The following NTRK2 variants were observed in gnomAD, a reference collection of about 807,000 sequenced individuals.
NTRK2 encodes neurotrophic receptor tyrosine kinase 2.
Under a neutral mutation model 94.5 loss-of-function variants are expected in NTRK2, and 13 were observed. The ratio of observed to expected loss-of-function variants is 0.14; its 90% CI spans 0.09 to 0.22. The LOEUF (loss-of-function observed/expected upper bound fraction) is 0.22, where lower values mean the gene tolerates loss of function less well. Among genes scored for constraint, NTRK2 ranks in the 10% least tolerant of loss-of-function variants. The pLI is 1.00. For synonymous variants in NTRK2, 372 were observed against 407.4 expected (o/e 0.91, Z 1.05); for missense variants, 639 against 1,071.2 (o/e 0.60, Z 5.63).
intron 12 of NTRK2, among the ~76,000 whole-genome samples, chr9:84,816,778 CAAAAAAAA>C (rs61094948): frequency 1.2e-5 from 1 of 82,648 alleles, no homozygotes; most frequent in Admixed American, 1.4e-4. Flanking sequence ...GACTCCATCT[CAAAAAAAA>C]AAAAAAAAAA....
intron 14 of NTRK2, chr9:84,874,913 T>C (rs2132142675): frequency 9.5e-7 from 1 of 1,056,448 alleles, no homozygotes; most frequent in African/African-American, 1.6e-5. Flanking sequence ...CAATGATTTT[T>C]GCTAGTAAGA....
Position 84,870,331 on chromosome 9 carries a change from G to GTGTATATA in NTRK2, c.1633+2901_1633+2902insGTATATAT, listed in dbSNP as rs1349303529. 4.7e-3 allele frequency among the ~76,000 whole-genome samples: 147 copies of GTGTATATA among 31,180 alleles called. 3 individuals are homozygous for GTGTATATA. The highest frequency in any genetic ancestry group is 6.7e-3 in the Admixed American group (12 of 1,778). 20.5% of individuals were successfully genotyped at this position (31,180 alleles called of 152,430 possible). ...ATACATATATGTGGGGTGTGTGTGT[G>GTGTATATA]TATATATATATATATATATATATAT... On this transcript the variant is annotated intron_variant, in intron 14 of 18. Coordinates refer to ENST00000277120, the MANE Select transcript of NTRK2 (RefSeq NM_006180.6).
At chr9:84,750,974 C>G in intron 11 of NTRK2, among the ~76,000 whole-genome samples, 1 of 152,196 alleles carries the variant, frequency 6.6e-6, no homozygotes, top group East Asian at 1.9e-4. Context: ...TACATCTACC[C>G]TCTTGACTTG....
chr9:84,939,064 A>G (rs1440489597), intron 15 of NTRK2, among the ~76,000 whole-genome samples: 1 of 150,802 alleles, frequency 6.6e-6, no homozygotes, highest in Non-Finnish European at 1.5e-5. Context: ...AAAAAAAAAA[A>G]AAAAAAAGAA....
intron 11 of NTRK2, among the ~76,000 whole-genome samples, chr9:84,748,283 A>T (rs1256995023): frequency 6.6e-6 from 1 of 152,232 alleles, no homozygotes; most frequent in African/African-American, 2.4e-5. Context: ...ATTTTGAGGA[A>T]GTAATTCTTT....
intron 12 of NTRK2, among the ~76,000 whole-genome samples, chr9:84,803,313 C>T (rs2070720727): frequency 6.6e-6 from 1 of 152,188 alleles, no homozygotes; most frequent in Non-Finnish European, 1.5e-5. Context: ...TGGGCACATC[C>T]ATTTCTTTGG....
chr9:84,943,737 TAATTGAGTAAAATGACAATCAGCCATG>T, intron 15 of NTRK2, among the ~76,000 whole-genome samples: 1 of 152,168 alleles, frequency 6.6e-6, no homozygotes, highest in East Asian at 1.9e-4. Flanking sequence ...AAGCCTTGCA[TAATTGAGTAAAATGACAATCAGCCATG>T]GTACTAAAAC....
intron 14 of NTRK2, among the ~76,000 whole-genome samples, chr9:84,882,719 T>TGCGC (rs1554762159): frequency 9.6e-4 from 140 of 145,830 alleles, no homozygotes; most frequent in African/African-American, 3.2e-3. Flanking sequence ...TGTGTGTGTG[T>TGCGC]GCGCGCGCGC....
intron 2 of NTRK2, among the ~76,000 whole-genome samples, chr9:84,695,923 A>G (rs1438293761): frequency 1.3e-5 from 2 of 152,106 alleles, no homozygotes; most frequent in Non-Finnish European, 2.9e-5. Flanking sequence ...GAATTGCTGG[A>G]TTTGAAGAAT....
At chr9:84,871,647 A>G in intron 14 of NTRK2, 1 of 779,478 alleles carries the variant, frequency 1.3e-6, no homozygotes, top group South Asian at 1.4e-5. Flanking sequence ...ATATCCCTTG[A>G]AGTATGTTTT....
At chr9:84,872,394 T>C in intron 14 of NTRK2, 4 of 1,089,436 alleles carry the variant, frequency 3.7e-6, no homozygotes, top group Non-Finnish European at 4.5e-6. Flanking sequence ...TCTTCTCCCG[T>C]CGGAGCAAAC....
intron 12 of NTRK2, among the ~76,000 whole-genome samples, chr9:84,802,049 G>A (rs558239448): frequency 3.3e-5 from 5 of 152,252 alleles, no homozygotes; most frequent in Admixed American, 6.5e-5. Context: ...GAAGTAGATC[G>A]CCTTTTCCTT....
At chr9:84,870,171 T>G (rs1048802382) in intron 14 of NTRK2, among the ~76,000 whole-genome samples, 2 of 140,190 alleles carry the variant, frequency 1.4e-5, no homozygotes, top group Non-Finnish European at 3.1e-5. Flanking sequence ...ATGTACTGTA[T>G]ATATACACAC....
intron 17 of NTRK2, among the ~76,000 whole-genome samples, chr9:84,996,955 A>C (rs926610339): frequency 6.6e-6 from 1 of 152,176 alleles, no homozygotes; most frequent in East Asian, 1.9e-4. Flanking sequence ...CAGTATGTGC[A>C]CTGTGGCTGT....
intron 12 of NTRK2, among the ~76,000 whole-genome samples, chr9:84,774,126 T>C (rs1222400676): frequency 6.6e-6 from 1 of 152,182 alleles, no homozygotes; most frequent in Non-Finnish European, 1.5e-5. Flanking sequence ...CCTCATTCAT[T>C]TGGCAAATGT....
At chr9:84,713,326 A>C (rs1310567999) in intron 6 of NTRK2, among the ~76,000 whole-genome samples, 1 of 152,166 alleles carries the variant, frequency 6.6e-6, no homozygotes, top group Non-Finnish European at 1.5e-5. Flanking sequence ...AAAGTCTATA[A>C]TACTGAAATA....
intron 12 of NTRK2, chr9:84,812,533 T>C: frequency 1.9e-6 from 2 of 1,046,738 alleles, no homozygotes; most frequent in African/African-American, 3.3e-5. Context: ...ATTCCGATCT[T>C]TCCCAAAGGT....
chr9:84,890,197 C>A (rs1374674278), intron 14 of NTRK2, among the ~76,000 whole-genome samples: 1 of 152,164 alleles, frequency 6.6e-6, no homozygotes, highest in African/African-American at 2.4e-5. Flanking sequence ...CCCTCCCTCA[C>A]CTTAGGTCAC....
In NTRK2 at chr9:84,730,783, C is replaced by CAAAAAAAAAAAAAAAA; in HGVS notation, c.1159+2834_1159+2849dup. Reference sequence around the variant, plus strand: ...AAACTAAAGAAAAATAAACAAATAGCAAAAAAAAAAAAAAAAAAAAAAAAA... The same window carrying CAAAAAAAAAAAAAAAA: ...AAACTAAAGAAAAATAAACAAATAGCAAAAAAAAAAAAAAAAAAAAAAAAAAAAAAAAAAAAAAAAA... On this transcript the variant is annotated intron_variant, in intron 9 of 18. Transcript: ENST00000277120. 1.7e-3 allele frequency among the ~76,000 whole-genome samples: 40 copies of CAAAAAAAAAAAAAAAA among 24,140 alleles called. 8 individuals are homozygous for CAAAAAAAAAAAAAAAA. Among genetic ancestry groups the CAAAAAAAAAAAAAAAA allele is most frequent in the East Asian group, 6.9e-3 (4 of 580 alleles). The allele number at this position is 24,140 out of a possible 152,430, so 15.8% of individuals were successfully genotyped here.
Sources: allele counts gnomAD v4.1 joint callset (sites outside exome capture counted in the v4.1 genomes callset), GRCh38; gene constraint gnomAD v4.1.1; transcripts MANE v1.5; gene names NCBI Gene and HGNC (gene_info 2026-07-23, HGNC 2026-07-21).